EFNB2: variants seen among roughly 807,000 people sequenced by gnomAD.
EFNB2 encodes the protein ephrin B2.
In EFNB2, 5 loss-of-function variants were observed where a neutral mutation model predicts 32.1. The observed-to-expected ratio is 0.16, with a 90% confidence interval of 0.08 to 0.33. The LOEUF (loss-of-function observed/expected upper bound fraction) is 0.33, where lower values mean the gene tolerates loss of function less well. Among genes scored for constraint, EFNB2 ranks in the 10% least tolerant of loss-of-function variants. The pLI, the probability that EFNB2 is intolerant of heterozygous loss-of-function variation, is 1.00. For missense variants in EFNB2, 263 were observed against 422.6 expected (o/e 0.62, Z 3.31); for synonymous variants, 168 against 166.5 (o/e 1.01, Z -0.07).
chr13:106,533,118 C>T (rs1879935794), intron 1 of EFNB2, among the ~76,000 whole-genome samples: 1 of 149,348 alleles, frequency 6.7e-6, no homozygotes, highest in African/African-American at 2.5e-5. Context: ...AAAAAACAGC[C>T]TCAAAGAGAA....
At chr13:106,532,129 C>A (rs1223841165) in intron 1 of EFNB2, among the ~76,000 whole-genome samples, 2 of 150,952 alleles carry the variant, frequency 1.3e-5, no homozygotes, top group Non-Finnish European at 2.9e-5. Context: ...TCTACCAGAA[C>A]GTATCAAAGC....
Position 106,531,314 on chromosome 13 carries a change from C to T in EFNB2, c.122+3529G>A, listed in dbSNP as rs113504923. ...CTTTAGCTTAGTCTTTGTGCTCTGC[C>T]TGGCTCAGTTGTCCTGCAGAACAAC... On this transcript the variant is annotated intron_variant, in intron 1 of 4. Transcript: ENST00000646441. Among the ~76,000 whole-genome samples the T allele has an allele frequency of 9.7e-3, 1,471 of 152,330 alleles. 28 individuals carry two copies. The highest frequency in any genetic ancestry group is 0.033 in the African/African-American group (1,386 of 41,574).
chr13:106,531,318 C>T (rs1430482967), intron 1 of EFNB2, among the ~76,000 whole-genome samples: 2 of 152,206 alleles, frequency 1.3e-5, no homozygotes, highest in Admixed American at 1.3e-4. Flanking sequence ...CTCTGCCTGG[C>T]TCAGTTGTCC....
In EFNB2 at chr13:106,535,656, A is replaced by T. The variant is rs961171057; in HGVS notation, c.-692T>A. On this transcript the variant is annotated 5_prime_UTR_variant, in exon 1 of 5. Coordinates refer to ENST00000646441, the MANE Select transcript of EFNB2 (RefSeq NM_004093.4). ...CGGCGCCGCGGTCCCCGCCGAGGAG[A>T]GTCAGCGCGGCCGCCGCGCTGTCAG... The T allele has an allele frequency of 6.0e-5, 9 of 149,926 alleles. No homozygotes were observed. Among genetic ancestry groups the T allele is most frequent in the African/African-American group, 2.2e-4 (9 of 40,920 alleles). 9.3% of individuals were successfully genotyped at this position (149,926 alleles called of 1,614,324 possible). A position where few individuals can be genotyped will look rare whatever the true frequency, so the allele number is the denominator to read the frequency against.
intron 2 of EFNB2, among the ~76,000 whole-genome samples, chr13:106,498,779 G>T (rs1404621746): frequency 6.6e-6 from 1 of 152,166 alleles, no homozygotes; most frequent in African/African-American, 2.4e-5. Flanking sequence ...TTGCTTGTTT[G>T]GGGGAGTGTG....
chr13:106,511,388 G>C (rs1879137591), intron 2 of EFNB2, among the ~76,000 whole-genome samples: 1 of 152,184 alleles, frequency 6.6e-6, no homozygotes, highest in Admixed American at 6.5e-5. Context: ...GGCTGAGGTG[G>C]GAGGATCACT....
intron 1 of EFNB2, among the ~76,000 whole-genome samples, chr13:106,525,706 C>T: frequency 6.6e-6 from 1 of 152,156 alleles, no homozygotes; most frequent in Non-Finnish European, 1.5e-5. Flanking sequence ...TTCTGTGTCC[C>T]CACCTTGCAC....
At position 106,493,260 on chromosome 13, in the gene EFNB2, G is replaced by A; in HGVS notation, c.782C>T (p.Pro261Leu). Residue 261 changes from proline to leucine, a missense_variant, in exon 5 of 5, where the codon CCG becomes CTG. Around this residue, in one of 3 missense-constraint regions of EFNB2, gnomAD observed 172 missense variants for 237.1 expected, o/e 0.73. Transcript: ENST00000646441. The surrounding 1 kb of genome is among the most constrained non-coding windows in gnomAD (Gnocchi z 6.1). ...KYRRRHRKHS[P>L]QHTTTLSLST... ...GAGCGACAGCGTGGTCGTGTGCTGC[G>A]GCGAGTGCTTCCTGTGTCTCCTCCG... The A allele has an allele frequency of 6.2e-7, 1 of 1,614,156 alleles. No individual in the cohort carries two copies. Among genetic ancestry groups the A allele is most frequent in the Non-Finnish European group, 8.5e-7 (1 of 1,180,028 alleles).
chr13:106,535,079 GGCAGCTCCGAGGCGCGCTGC>G lies in EFNB2; in HGVS notation c.-135_-116del, dbSNP rs1403708525. On this transcript the variant is annotated 5_prime_UTR_variant, in exon 1 of 5. Transcript: ENST00000646441. ...GCGGGGAAGACGGCGTGCGCCCGCAGGCAGCTCCGAGGCGCGCTGCGCAGCTCCAGCGGTCGCCGGGCCAG... is the reference window on the plus strand; with the variant it reads ...GCGGGGAAGACGGCGTGCGCCCGCAGGCAGCTCCAGCGGTCGCCGGGCCAG... 105 of 1,449,802 alleles carry G rather than the reference GGCAGCTCCGAGGCGCGCTGC, an allele frequency of 7.2e-5. No homozygotes were observed. The highest frequency in any genetic ancestry group is 5.1e-4 in the Middle Eastern group (2 of 3,960). 89.8% of individuals were successfully genotyped at this position (1,449,802 alleles called of 1,614,324 possible). A position where few individuals can be genotyped will look rare whatever the true frequency, so the allele number is the denominator to read the frequency against.
chr13:106,502,364 T>C (rs1357375666), intron 2 of EFNB2, among the ~76,000 whole-genome samples: 1 of 152,184 alleles, frequency 6.6e-6, no homozygotes, highest in Non-Finnish European at 1.5e-5. Context: ...AAGAAAATGG[T>C]ACAGTTTTAT....
intron 2 of EFNB2, among the ~76,000 whole-genome samples, chr13:106,509,513 A>C (rs1879063418): frequency 1.3e-5 from 2 of 152,208 alleles, no homozygotes; most frequent in African/African-American, 4.8e-5. Flanking sequence ...AAAAATATAC[A>C]TGTAAATTTT....
rs1032738920 is a variant in EFNB2, at chr13:106,491,590, C to T, written c.*1450G>A. The stretch of plus-strand genomic sequence containing the variant: ...ATAATTTACTTCCGTCTTAAGGACT[C>T]TAAGAGGTCTGCCGTATGTGCTTCA... On this transcript the variant is annotated 3_prime_UTR_variant, in exon 5 of 5. Transcript: ENST00000646441. The T allele has an allele frequency of 6.6e-6, 1 of 152,594 alleles. No individual in the cohort carries two copies. Among genetic ancestry groups the T allele is most frequent in the African/African-American group, 2.4e-5 (1 of 41,400 alleles). 9.5% of individuals were successfully genotyped at this position (152,594 alleles called of 1,614,324 possible). A position where few individuals can be genotyped will look rare whatever the true frequency, so the allele number is the denominator to read the frequency against.
At chr13:106,519,244 C>A (rs1431951006) in intron 1 of EFNB2, 1 of 152,170 alleles carries the variant, frequency 6.6e-6, no homozygotes, top group Non-Finnish European at 1.5e-5. Flanking sequence ...TAAAAAGCAT[C>A]AGATTCGATC....
At position 106,535,015 on chromosome 13, in the gene EFNB2, G is replaced by A; in HGVS notation, c.-51C>T. 1 of 1,604,364 alleles carries A rather than the reference G, an allele frequency of 6.2e-7. No individual in the cohort carries two copies. Among genetic ancestry groups the A allele is most frequent in the South Asian group, 1.1e-5 (1 of 90,260 alleles). ...ACTCCGGGCCAAGAAGGGACTGACG[G>A]GACGCAGGCTGGGACCCCCAATCCT... On this transcript the variant is annotated 5_prime_UTR_variant, in exon 1 of 5. Coordinates refer to ENST00000646441, the MANE Select transcript of EFNB2 (RefSeq NM_004093.4).
In EFNB2 at chr13:106,493,504, T is replaced by C. The variant is rs1420754981; in HGVS notation, c.614-76A>G. The C allele has an allele frequency of 2.0e-5, 30 of 1,509,628 alleles. 1 individual carries two copies. Among genetic ancestry groups the C allele is most frequent in the Non-Finnish European group, 2.7e-5 (30 of 1,131,642 alleles). The allele number at this position is 1,509,628 out of a possible 1,614,324, so 93.5% of individuals were successfully genotyped here. The stretch of plus-strand genomic sequence containing the variant: ...GCAGACGGACTGCTTTTATGACCCT[T>C]AAAAATGTGAAAAATAAGCCAGGCT... On this transcript the variant is annotated intron_variant, in intron 4 of 4. Coordinates refer to ENST00000646441, the MANE Select transcript of EFNB2 (RefSeq NM_004093.4). This position sits in a 1 kb window ranked among gnomAD's most constrained non-coding sequence, Gnocchi z 6.1.
intron 1 of EFNB2, among the ~76,000 whole-genome samples, chr13:106,513,683 G>A (rs1879220701): frequency 6.6e-6 from 1 of 152,064 alleles, no homozygotes; most frequent in African/African-American, 2.4e-5. Flanking sequence ...GAGTTTCTCT[G>A]AAAAACTGAA....
At chr13:106,499,329 T>C (rs1878697062) in intron 2 of EFNB2, among the ~76,000 whole-genome samples, 1 of 151,672 alleles carries the variant, frequency 6.6e-6, no homozygotes, top group African/African-American at 2.4e-5. Context: ...AACTCTGAAA[T>C]AAAACCACAA....
In EFNB2 at chr13:106,493,571, G is replaced by A. The variant is rs756079272; in HGVS notation, c.614-143C>T. 6.7e-5 allele frequency: 74 copies of A among 1,107,658 alleles called. No homozygotes were observed. The highest frequency in any genetic ancestry group is 4.9e-4 in the African/African-American group (31 of 63,336). 68.6% of individuals were successfully genotyped at this position (1,107,658 alleles called of 1,614,324 possible). A position where few individuals can be genotyped will look rare whatever the true frequency, so the allele number is the denominator to read the frequency against. On this transcript the variant is annotated intron_variant, in intron 4 of 4. Coordinates refer to ENST00000646441, the MANE Select transcript of EFNB2 (RefSeq NM_004093.4). This position sits in a 1 kb window ranked among gnomAD's most constrained non-coding sequence, Gnocchi z 6.1. Reference sequence around the variant, plus strand: ...CTGGACTTTGCCTCGCCAATACCTCGTCTAAGAGCTCAACGCAAAAGGAAA... The same window carrying A: ...CTGGACTTTGCCTCGCCAATACCTCATCTAAGAGCTCAACGCAAAAGGAAA...
chr13:106,501,377 G>A (rs979126510), intron 2 of EFNB2, among the ~76,000 whole-genome samples: 1 of 151,738 alleles, frequency 6.6e-6, no homozygotes, highest in Non-Finnish European at 1.5e-5. Context: ...TTTCACTGTG[G>A]CTTTAAAATG....
Sources: allele counts gnomAD v4.1 joint callset (sites outside exome capture counted in the v4.1 genomes callset), GRCh38; gene constraint gnomAD v4.1.1; regional missense constraint gnomAD v4.1.1; non-coding constraint Gnocchi (gnomAD v3.1); transcripts MANE v1.5; gene names NCBI Gene and HGNC (gene_info 2026-07-23, HGNC 2026-07-21).